Variants in SCG5 observed in about 807,000 individuals in gnomAD.
SCG5 encodes the protein secretogranin V.
Under a neutral mutation model 25.7 loss-of-function variants are expected in SCG5, and 18 were observed. The observed-to-expected ratio is 0.70, with a 90% CI of 0.48 to 1.04. The LOEUF (loss-of-function observed/expected upper bound fraction) is 1.04. Among genes scored for constraint, SCG5 ranks in the 50% least tolerant of loss-of-function variants. SCG5 has a pLI of 0.00. For synonymous variants in SCG5, 101 were observed against 91.7 expected (o/e 1.10, Z -0.58); for missense variants, 206 against 259.8 (o/e 0.79, Z 1.42).
chr15:32,695,751 T>C (rs1456846680), intron 5 of SCG5, among the ~76,000 whole-genome samples: 1 of 152,140 alleles, frequency 6.6e-6, no homozygotes, highest in African/African-American at 2.4e-5. Flanking sequence ...TCTTCTCCTT[T>C]AGAACGTTTT....
At chr15:32,662,030 G>A (rs932485330) in intron 2 of SCG5, among the ~76,000 whole-genome samples, 2 of 152,056 alleles carry the variant, frequency 1.3e-5, no homozygotes, top group African/African-American at 4.8e-5. Context: ...TAAAATCAGT[G>A]TAATTATTTT....
intron 4 of SCG5, among the ~76,000 whole-genome samples, chr15:32,689,258 C>T (rs2054795910): frequency 6.6e-6 from 1 of 152,028 alleles, no homozygotes; most frequent in Non-Finnish European, 1.5e-5. Context: ...TTCCATAATG[C>T]ATATTATTAT....
chr15:32,648,434 C>T (rs1455682326), intron 2 of SCG5, among the ~76,000 whole-genome samples: 1 of 152,080 alleles, frequency 6.6e-6, no homozygotes, highest in East Asian at 1.9e-4. Context: ...AGGAGTTAAA[C>T]TTGAAAAGTT....
At chr15:32,689,848 T>TC (rs1376169310) in intron 4 of SCG5, among the ~76,000 whole-genome samples, 2 of 150,690 alleles carry the variant, frequency 1.3e-5, no homozygotes, top group African/African-American at 4.9e-5. Context: ...TTTCTTTTTT[T>TC]TTTTTTTTTT....
chr15:32,676,442 C>T (rs1256502703), intron 2 of SCG5, among the ~76,000 whole-genome samples: 3 of 152,158 alleles, frequency 2.0e-5, no homozygotes, highest in Non-Finnish European at 4.4e-5. Context: ...ATTCCTGGCA[C>T]TTAATGCTAG....
chr15:32,647,718 C>T (rs2053966324), intron 2 of SCG5, among the ~76,000 whole-genome samples: 1 of 152,180 alleles, frequency 6.6e-6, no homozygotes, highest in Non-Finnish European at 1.5e-5. Context: ...GAGTGCCAGG[C>T]ACTGTTTTAG....
At chr15:32,667,769 T>C (rs1331472976) in intron 2 of SCG5, among the ~76,000 whole-genome samples, 1 of 151,306 alleles carries the variant, frequency 6.6e-6, no homozygotes, top group East Asian at 1.9e-4. Context: ...GCCTCCTGGG[T>C]GCAAGTGATT....
At chr15:32,690,099 C>T (rs970128475) in intron 4 of SCG5, among the ~76,000 whole-genome samples, 3 of 152,162 alleles carry the variant, frequency 2.0e-5, no homozygotes, top group African/African-American at 4.8e-5. Flanking sequence ...CCTCGGCCTC[C>T]CAAAGTGCTG....
chr15:32,650,424 C>T (rs796618805), intron 2 of SCG5, among the ~76,000 whole-genome samples: 5 of 152,292 alleles, frequency 3.3e-5, no homozygotes, highest in African/African-American at 9.6e-5. Flanking sequence ...TTTGATTACT[C>T]ATCAGTTAGC....
chr15:32,667,123 C>T (rs1269013878), intron 2 of SCG5, among the ~76,000 whole-genome samples: 1 of 136,738 alleles, frequency 7.3e-6, no homozygotes, highest in African/African-American at 2.7e-5. Context: ...TTTAATTTCA[C>T]TATTTCTTTT....
intron 3 of SCG5, 133 bp downstream of exon 3, chr15:32,680,048 G>A: frequency 1.2e-6 from 1 of 800,236 alleles, no homozygotes; most frequent in Middle Eastern, 3.8e-4. Flanking sequence ...TTTGTAAGTA[G>A]ATGGGAAGGG....
chr15:32,679,587 A>G (rs980534098), intron 2 of SCG5, among the ~76,000 whole-genome samples, 179 bp from the exon 3 acceptor site: 1 of 152,236 alleles, frequency 6.6e-6, no homozygotes, highest in African/African-American at 2.4e-5. Flanking sequence ...ATATGTGTAC[A>G]GTATGTGTCT....
intron 2 of SCG5, among the ~76,000 whole-genome samples, chr15:32,644,380 C>T (rs1005411912): frequency 1.2e-4 from 18 of 151,976 alleles, no homozygotes; most frequent in Admixed American, 6.6e-5. Context: ...TAAGAGTTTA[C>T]GTGAAAGCTT....
intron 3 of SCG5, among the ~76,000 whole-genome samples, chr15:32,681,490 T>C (rs2054620096): frequency 6.6e-6 from 1 of 150,526 alleles, no homozygotes; most frequent in Non-Finnish European, 1.5e-5. Flanking sequence ...TTTTTCTTTT[T>C]TTTTTTTTTG....
intron 5 of SCG5, among the ~76,000 whole-genome samples, chr15:32,693,237 C>G (rs1039351615): frequency 6.6e-6 from 1 of 152,226 alleles, no homozygotes; most frequent in Non-Finnish European, 1.5e-5. Context: ...TCTGCCCTGA[C>G]TCAGTGAATG....
intron 2 of SCG5, chr15:32,656,410 A>G (rs1180219413): frequency 2.0e-5 from 3 of 152,216 alleles, no homozygotes; most frequent in Admixed American, 6.5e-5. Flanking sequence ...TAAATTTTAT[A>G]TATTTTATGG....
intron 5 of SCG5, among the ~76,000 whole-genome samples, chr15:32,695,636 C>G (rs2054944219): frequency 6.6e-6 from 1 of 152,004 alleles, no homozygotes; most frequent in Non-Finnish European, 1.5e-5. Flanking sequence ...ATCACTCGAG[C>G]CCCTAATGAA....
chr15:32,663,103 CAT>C (rs1298202876), intron 2 of SCG5, among the ~76,000 whole-genome samples: 4 of 136,116 alleles, frequency 2.9e-5, no homozygotes, highest in Non-Finnish European at 4.7e-5. Flanking sequence ...TATATATACA[CAT>C]ATGTATACAT....
At chr15:32,667,282 A>C (rs986540063) in intron 2 of SCG5, among the ~76,000 whole-genome samples, 1 of 152,246 alleles carries the variant, frequency 6.6e-6, no homozygotes, top group African/African-American at 2.4e-5. Context: ...TTTCATCAAT[A>C]GTTCTAGTTA....
Sources: allele counts gnomAD v4.1 joint callset (sites outside exome capture counted in the v4.1 genomes callset), GRCh38; gene constraint gnomAD v4.1.1; transcripts MANE v1.5; gene names NCBI Gene and HGNC (gene_info 2026-07-23, HGNC 2026-07-21).